MED13L: variants seen among roughly 807,000 people sequenced by gnomAD.
MED13L encodes mediator complex subunit 13L.
MED13L carries 7 observed loss-of-function variants against 220.9 expected under a neutral mutation model. The observed-to-expected ratio is 0.03, with a 90% CI of 0.02 to 0.06. The LOEUF is 0.06. Among genes scored for constraint, MED13L ranks in the 10% least tolerant of loss-of-function variants. The probability of loss-of-function intolerance (pLI) is 1.00; values close to 1 mark genes in which losing one functional copy is unlikely to be tolerated. For synonymous variants in MED13L, 1,011 were observed against 1,015.2 expected (o/e 1.00, Z 0.08); for missense variants, 1,965 against 2,760.5 (o/e 0.71, Z 6.46).
intron 2 of MED13L, among the ~76,000 whole-genome samples, chr12:116,149,119 C>A (rs1469910483): frequency 6.6e-6 from 1 of 152,104 alleles, no homozygotes; most frequent in Non-Finnish European, 1.5e-5. Flanking sequence ...AATAGGCTAC[C>A]CTGCTCCCAT....
At position 115,975,530 on chromosome 12, in the gene MED13L, A is replaced by G. The variant is rs1876877612; in HGVS notation, c.5573T>C (p.Ile1858Thr). The G allele has an allele frequency of 6.8e-6, 11 of 1,613,906 alleles. No homozygotes were observed. The highest frequency in any genetic ancestry group is 6.8e-6 in the Non-Finnish European group (8 of 1,179,886). ...GTCTTCTCACCTGTTTGGTAAAGCA[A>G]TATTTACAACGCAGGTCTCTAATAA... is the stretch of plus-strand genomic sequence containing the variant. ...GELLETCVVN[I>T]ALPNRSRRSK... The change falls in exon 24 of 31, where the codon ATT (isoleucine) becomes ACT (threonine). Residue 1858 changes from isoleucine to threonine, a missense_variant. Transcript: ENST00000281928.
intron 4 of MED13L, among the ~76,000 whole-genome samples, chr12:116,053,635 G>A (rs533712932): frequency 2.6e-5 from 4 of 152,146 alleles, no homozygotes; most frequent in African/African-American, 9.7e-5. Context: ...AAGCAGAAGG[G>A]AGGAAGGGGA....
intron 23 of MED13L, among the ~76,000 whole-genome samples, chr12:115,980,160 T>C (rs933744831): frequency 3.3e-5 from 5 of 152,150 alleles, no homozygotes; most frequent in Admixed American, 2.6e-4. Flanking sequence ...ATAAAGAAAA[T>C]AAATTTAGGA....
chr12:116,221,276 G>A (rs576429822), intron 2 of MED13L, among the ~76,000 whole-genome samples: 2 of 151,786 alleles, frequency 1.3e-5, no homozygotes, highest in South Asian at 4.2e-4. Context: ...CCACAAGGCT[G>A]AGGTGGGAAG....
chr12:116,083,675 C>T (rs1306581723), intron 4 of MED13L, among the ~76,000 whole-genome samples: 6 of 152,110 alleles, frequency 3.9e-5, no homozygotes, highest in Admixed American at 6.6e-5. Context: ...TTCCTGAAAA[C>T]GCTGCACGTA....
chr12:116,012,568 A>C (rs1230928873), intron 9 of MED13L, among the ~76,000 whole-genome samples: 1 of 152,184 alleles, frequency 6.6e-6, no homozygotes, highest in Non-Finnish European at 1.5e-5. Flanking sequence ...GAAGCTGCTA[A>C]CCAGAAAAAA....
intron 2 of MED13L, among the ~76,000 whole-genome samples, chr12:116,165,436 T>C (rs778448408): frequency 5.9e-5 from 9 of 151,986 alleles, no homozygotes; most frequent in Non-Finnish European, 1.2e-4. Flanking sequence ...GTTCACGCCA[T>C]TCTCCTACCT....
At position 115,996,692 on chromosome 12, in the gene MED13L, A is replaced by G. The variant is rs1326468138; in HGVS notation, c.2791-11T>C. On this transcript the variant is annotated splice_polypyrimidine_tract_variant and intron_variant, in intron 15 of 30. Coordinates refer to ENST00000281928, the MANE Select transcript of MED13L (RefSeq NM_015335.5). ...CACATATGAAAAGTCCTGTGACAAC[A>G]AAGTGGGGTCAGTGTTAATATTGGT... 1 of 1,606,642 alleles carries G rather than the reference A, an allele frequency of 6.2e-7. No homozygotes were observed. Among genetic ancestry groups the G allele is most frequent in the Non-Finnish European group, 8.5e-7 (1 of 1,173,442 alleles).
chr12:116,046,214 T>A (rs1881824797), intron 4 of MED13L, among the ~76,000 whole-genome samples: 1 of 152,128 alleles, frequency 6.6e-6, no homozygotes, highest in South Asian at 2.1e-4. Flanking sequence ...AAGTGCTGAG[T>A]TTTTTATTTT....
intron 4 of MED13L, among the ~76,000 whole-genome samples, chr12:116,072,653 C>T (rs957297481): frequency 6.6e-6 from 1 of 152,132 alleles, no homozygotes; most frequent in African/African-American, 2.4e-5. Flanking sequence ...GGTTTCACAC[C>T]ATGTTGGCCA....
rs367959143 is a variant in MED13L, at chr12:116,089,134, G to A, written c.479+7535C>T. 4.6e-5 allele frequency among the ~76,000 whole-genome samples: 7 copies of A among 152,202 alleles called. No homozygotes were observed. The South Asian group carries it at 1.2e-3, about 27-fold the overall frequency. On this transcript the variant is annotated intron_variant, in intron 4 of 30. Transcript: ENST00000281928. The stretch of plus-strand genomic sequence containing the variant: ...TTATGGAACTGAAAATGACATTATC[G>A]GAAATAAAATATACACTTTCCAGTT...
chr12:116,237,341 T>TGA, intron 2 of MED13L, 127 bp downstream of exon 2: 1 of 796,868 alleles, frequency 1.3e-6, no homozygotes, highest in Non-Finnish European at 2.1e-6. Flanking sequence ...ATGTTCCTTT[T>TGA]GAGAGAGACA....
intron 1 of MED13L, among the ~76,000 whole-genome samples, chr12:116,238,720 TA>T (rs149686512): frequency 0.02 from 3,036 of 152,286 alleles, 57 homozygotes; most frequent in Middle Eastern, 0.051. Context: ...TGAAACATAT[TA>T]AAAGTGCTAA....
chr12:116,157,154 G>A (rs184110882), intron 2 of MED13L, among the ~76,000 whole-genome samples: 18 of 152,104 alleles, frequency 1.2e-4, no homozygotes, highest in East Asian at 9.7e-4. Flanking sequence ...CATCTTTGTC[G>A]TATTTCCCAT....
chr12:116,119,838 A>AAAT (rs1555213242), intron 2 of MED13L, among the ~76,000 whole-genome samples: 83 of 31,576 alleles, frequency 2.6e-3, no homozygotes, highest in Non-Finnish European at 3.3e-3. Flanking sequence ...AAAAAAAAAA[A>AAAT]ATATATATAT....
intron 2 of MED13L, among the ~76,000 whole-genome samples, chr12:116,188,079 T>C (rs1481543837): frequency 6.6e-6 from 1 of 152,146 alleles, no homozygotes; most frequent in Non-Finnish European, 1.5e-5. Flanking sequence ...TGTGCAACAT[T>C]ACTGGCTCCT....
rs1879938087 is a variant in MED13L at position 116,019,693 on chromosome 12, T to C, written c.820+85A>G. 5.5e-6 allele frequency: 8 copies of C among 1,466,904 alleles called. No individual in the cohort carries two copies. In the Admixed American group the frequency reaches 1.0e-4, roughly 19 times the overall value. 90.9% of individuals were successfully genotyped at this position (1,466,904 alleles called of 1,614,324 possible). A position where few individuals can be genotyped will look rare whatever the true frequency, so the allele number is the denominator to read the frequency against. On this transcript the variant is annotated intron_variant, in intron 6 of 30. Coordinates refer to ENST00000281928, the MANE Select transcript of MED13L (RefSeq NM_015335.5). Reference sequence around the variant, plus strand: ...TTTAAAAAGATGGGTATGGAGATTATTTCTGAAGAATCTAAATGATTATCT... The same window carrying C: ...TTTAAAAAGATGGGTATGGAGATTACTTCTGAAGAATCTAAATGATTATCT...
intron 4 of MED13L, among the ~76,000 whole-genome samples, chr12:116,073,245 T>C (rs1423278437): frequency 6.6e-6 from 1 of 152,144 alleles, no homozygotes; most frequent in African/African-American, 2.4e-5. Flanking sequence ...TGGAAGGCAA[T>C]GCAACGTAGC....
chr12:115,969,754 C>T (rs1876451813), intron 27 of MED13L, among the ~76,000 whole-genome samples: 2 of 152,050 alleles, frequency 1.3e-5, no homozygotes, highest in African/African-American at 2.4e-5. Context: ...AAATTCCTGA[C>T]CTCAAGGGAT....
Sources: allele counts gnomAD v4.1 joint callset (sites outside exome capture counted in the v4.1 genomes callset), GRCh38; gene constraint gnomAD v4.1.1; transcripts MANE v1.5; gene names NCBI Gene and HGNC (gene_info 2026-07-23, HGNC 2026-07-21).